PCDHA2: variants seen among roughly 807,000 people sequenced by gnomAD.
PCDHA2 encodes the protein protocadherin alpha-2.
A neutral mutation model predicts 66.0 loss-of-function variants in PCDHA2; 58 were observed. The observed-to-expected ratio is 0.88, with a 90% CI of 0.71 to 1.09. The LOEUF is 1.09. Ranked by LOEUF, PCDHA2 falls within the 50% of genes least tolerant of loss-of-function variation. PCDHA2 has a pLI of 0.00. For missense variants in PCDHA2, 1,267 were observed against 1,242.3 expected (o/e 1.02, Z -0.30); for synonymous variants, 634 against 554.0 (o/e 1.14, Z -2.03).
chr5:140,815,785 A>G (rs1765793335), intron 1 of PCDHA2: 1 of 152,154 alleles, frequency 6.6e-6, no homozygotes, highest in South Asian at 2.1e-4. Flanking sequence ...GATCACCTTC[A>G]GCTTTTGTTT....
intron 1 of PCDHA2, among the ~76,000 whole-genome samples, chr5:140,881,799 C>A (rs368456285): frequency 3.3e-5 from 5 of 152,282 alleles, no homozygotes; most frequent in Admixed American, 2.0e-4. Flanking sequence ...TGTCCCAAAA[C>A]GAGTGTCGAA....
In PCDHA2 at chr5:140,795,239, G is replaced by A. The variant is rs781896269; in HGVS notation, c.275G>A (p.Arg92Gln). The A allele has an allele frequency of 1.9e-6, 3 of 1,614,278 alleles. No homozygotes were observed. Among genetic ancestry groups the A allele is most frequent in the Non-Finnish European group, 2.5e-6 (3 of 1,180,052 alleles). ...GILFVNSRID[R>Q]EELCGRSAEC... The stretch of plus-strand genomic sequence containing the variant: ...TTGTTTGTGAATTCTCGGATCGACC[G>A]GGAGGAGCTGTGCGGGCGGAGCGCG... The change falls in exon 1 of 4, where the codon CGG (arginine) becomes CAG (glutamine). Residue 92 changes from arginine to glutamine, a missense_variant. Transcript: ENST00000526136.
chr5:140,926,420 T>G, intron 1 of PCDHA2: 1 of 152,792 alleles, frequency 6.5e-6, no homozygotes, highest in Non-Finnish European at 1.5e-5. Context: ...GGGCAGAGGA[T>G]GTGGAGGTTA....
intron 1 of PCDHA2, among the ~76,000 whole-genome samples, chr5:140,818,079 C>A (rs1344307617): frequency 1.3e-5 from 2 of 152,162 alleles, no homozygotes; most frequent in Non-Finnish European, 2.9e-5. Context: ...GTTTTCAAAG[C>A]TTCTTATATC....
chr5:140,829,006 G>A (rs1461525244), intron 1 of PCDHA2: 2 of 1,613,752 alleles, frequency 1.2e-6, no homozygotes, highest in African/African-American at 1.3e-5. Context: ...TAGTGATTCG[G>A]GGTAATTTGG....
At chr5:140,932,091 T>G (rs904157159) in intron 1 of PCDHA2, among the ~76,000 whole-genome samples, 1 of 151,872 alleles carries the variant, frequency 6.6e-6, no homozygotes, top group Non-Finnish European at 1.5e-5. Context: ...GAAAACATGG[T>G]TTTTATCTCT....
At chr5:140,829,769 G>T in intron 1 of PCDHA2, 2 of 1,613,778 alleles carry the variant, frequency 1.2e-6, no homozygotes, top group Non-Finnish European at 8.5e-7. Flanking sequence ...GGACGAGAAC[G>T]ACAACGCGCC....
At chr5:140,821,180 A>G (rs1200131570) in intron 1 of PCDHA2, among the ~76,000 whole-genome samples, 1 of 152,186 alleles carries the variant, frequency 6.6e-6, no homozygotes, top group Non-Finnish European at 1.5e-5. Context: ...TCCATTGACT[A>G]ATACAGAAAA....
At chr5:141,001,265 T>C (rs71583613) in intron 3 of PCDHA2, among the ~76,000 whole-genome samples, 24 of 152,168 alleles carry the variant, frequency 1.6e-4, no homozygotes, top group Admixed American at 7.2e-4. Flanking sequence ...GGCACTCTTA[T>C]GAACTTTTTT....
chr5:140,870,413 C>T (rs200037363), intron 1 of PCDHA2: 2 of 1,614,242 alleles, frequency 1.2e-6, no homozygotes, highest in South Asian at 2.2e-5. Flanking sequence ...CTGTGGGCCA[C>T]GGCCAGGGTA....
chr5:140,842,836 G>A (rs2150345985), intron 1 of PCDHA2: 2 of 1,593,818 alleles, frequency 1.3e-6, no homozygotes, highest in East Asian at 2.2e-5. Context: ...GCTCGCTGTC[G>A]AGCTACATTT....
intron 1 of PCDHA2, chr5:140,843,376 C>G (rs1554140003): frequency 1.3e-6 from 2 of 1,595,956 alleles, no homozygotes; most frequent in Admixed American, 1.7e-5. Context: ...AGTCGGCTGG[C>G]GTTTTGGGTC....
chr5:140,955,595 A>G (rs1366870361), intron 1 of PCDHA2, among the ~76,000 whole-genome samples: 1 of 152,194 alleles, frequency 6.6e-6, no homozygotes, highest in Admixed American at 6.5e-5. Context: ...TCTTTCTTTT[A>G]TAAATTACCC....
At chr5:140,884,035 C>A (rs782637499) in intron 1 of PCDHA2, 1 of 1,613,396 alleles carries the variant, frequency 6.2e-7, no homozygotes, top group South Asian at 1.1e-5. Context: ...GTGCAGGCCA[C>A]GTGGTGGCGA....
chr5:140,918,817 A>C (rs1554198772), intron 1 of PCDHA2, among the ~76,000 whole-genome samples: 1 of 62,248 alleles, frequency 1.6e-5, no homozygotes, highest in Non-Finnish European at 2.7e-5. Context: ...TGAACCAAAA[A>C]GTGGCCCCCT....
intron 1 of PCDHA2, chr5:140,835,447 T>C (rs2150235866): frequency 2.5e-6 from 4 of 1,613,910 alleles, no homozygotes; most frequent in East Asian, 2.2e-5. Context: ...CTCACTTCCC[T>C]GTCTCTCCCT....
intron 1 of PCDHA2, chr5:140,809,534 G>T: frequency 6.2e-7 from 1 of 1,613,938 alleles, no homozygotes; most frequent in South Asian, 1.1e-5. Context: ...TAGGGACAGA[G>T]AAGATCAGCT....
At chr5:140,908,021 C>T (rs958070573) in intron 1 of PCDHA2, among the ~76,000 whole-genome samples, 28 of 152,314 alleles carry the variant, frequency 1.8e-4, no homozygotes, top group African/African-American at 6.7e-4. Flanking sequence ...TGGCTACAGC[C>T]CATTAATCAG....
intron 1 of PCDHA2, among the ~76,000 whole-genome samples, chr5:140,890,562 C>T (rs1456006217): frequency 1.3e-5 from 2 of 151,980 alleles, no homozygotes; most frequent in Non-Finnish European, 2.9e-5. Flanking sequence ...TTTTATTGTT[C>T]CATTTCCTTC....
Sources: gnomAD v4.1 joint callset for allele counts (sites outside exome capture counted in the v4.1 genomes callset) on GRCh38, gnomAD v4.1.1 for gene constraint, MANE v1.5 for transcripts, NCBI Gene and HGNC (gene_info 2026-07-23, HGNC 2026-07-21) for gene names.